RGS9: variants seen among roughly 807,000 people sequenced by gnomAD.
The protein encoded by RGS9 is regulator of G protein signaling 9.
Under a neutral mutation model 102.0 loss-of-function variants are expected in RGS9, and 78 were observed. The observed-to-expected ratio is 0.76, with a 90% CI of 0.64 to 0.92. The LOEUF is 0.92. Ranked by LOEUF, RGS9 falls within the 40% of genes least tolerant of loss-of-function variation. The probability of loss-of-function intolerance (pLI) is 0.00; values close to 1 mark genes in which losing one functional copy is unlikely to be tolerated. For missense variants in RGS9, 833 were observed against 866.1 expected (o/e 0.96, Z 0.48); for synonymous variants, 353 against 318.6 (o/e 1.11, Z -1.15).
chr17:65,215,664 C>A (rs992775755), intron 17 of RGS9, among the ~76,000 whole-genome samples: 3 of 151,294 alleles, frequency 2.0e-5, no homozygotes, highest in African/African-American at 7.3e-5. Flanking sequence ...AAGTTCAAGC[C>A]ATTCCCCTGC....
intron 7 of RGS9, among the ~76,000 whole-genome samples, chr17:65,167,928 C>T (rs1911255622): frequency 2.0e-5 from 3 of 152,098 alleles, no homozygotes; most frequent in Admixed American, 2.0e-4. Flanking sequence ...GGGCATTCAC[C>T]CCCTCTTCAT....
chr17:65,191,551 A>G (rs1598602852), intron 11 of RGS9, among the ~76,000 whole-genome samples: 1 of 151,988 alleles, frequency 6.6e-6, no homozygotes, highest in Non-Finnish European at 1.5e-5. Context: ...GGAGTTCAAG[A>G]CCAGCCTGGT....
chr17:65,161,951 G>C (rs2143998089), intron 6 of RGS9, among the ~76,000 whole-genome samples: 1 of 152,046 alleles, frequency 6.6e-6, no homozygotes, highest in Admixed American at 6.5e-5. Context: ...ATCCACCTCA[G>C]CCTCCCGAAG....
intron 2 of RGS9, among the ~76,000 whole-genome samples, chr17:65,154,464 A>G (rs934179255): frequency 7.9e-5 from 12 of 152,216 alleles, no homozygotes; most frequent in African/African-American, 2.7e-4. Context: ...AGAAACCTTC[A>G]CTGTCATTTT....
chr17:65,147,838 G>C (rs993370697), intron 1 of RGS9, among the ~76,000 whole-genome samples: 4 of 151,890 alleles, frequency 2.6e-5, no homozygotes, highest in African/African-American at 9.7e-5. Context: ...TGATCTGTCT[G>C]CCTTACCCTC....
chr17:65,225,194 T>C lies in RGS9; in HGVS notation c.1600T>C (p.Ser534Pro), dbSNP rs746397565. ...CATCAGAGTGGCCTTGGAGAGCTCA[T>C]CGGGCTTGGAGCAGAAAGGGGAGTG... Reference protein sequence around the residue: ...SPIRVALESSSGLEQKGECSG... With the variant: ...SPIRVALESSPGLEQKGECSG... The change falls in exon 18 of 19, where the codon TCG becomes CCG. Residue 534 changes from serine to proline, a missense_variant. Ser to Pro is a moderately conservative substitution (Grantham distance 74, BLOSUM62 -1). Transcript: ENST00000262406. 6.8e-6 allele frequency: 11 copies of C among 1,613,312 alleles called. 1 individual carries two copies. The South Asian group carries it at 8.8e-5, about 13-fold the overall frequency.
At chr17:65,147,886 C>T (rs906194225) in intron 1 of RGS9, among the ~76,000 whole-genome samples, 8 of 151,902 alleles carry the variant, frequency 5.3e-5, no homozygotes, top group Non-Finnish European at 8.8e-5. Context: ...CCACTGTGCC[C>T]GGCCTCTCTT....
chr17:65,193,691 C>A (rs963116172), intron 12 of RGS9, 35 bp downstream of exon 12: 7 of 1,371,732 alleles, frequency 5.1e-6, no homozygotes, highest in South Asian at 3.5e-5. Context: ...TTTTAAAAAA[C>A]CGTTTTTGAG....
intron 8 of RGS9, among the ~76,000 whole-genome samples, chr17:65,168,500 G>A (rs2144015820): frequency 6.6e-6 from 1 of 151,504 alleles, no homozygotes; most frequent in South Asian, 2.1e-4. Flanking sequence ...GTTGGTGTTA[G>A]GTAGGGAGGG....
At chr17:65,198,986 T>TC (rs370887936) in intron 13 of RGS9, among the ~76,000 whole-genome samples, 1,764 of 152,016 alleles carry the variant, frequency 0.012, 25 homozygotes, top group African/African-American at 0.036. Flanking sequence ...ATTTATTATC[T>TC]CCCCCCCACT....
At chr17:65,161,892 A>T (rs545219636) in intron 6 of RGS9, among the ~76,000 whole-genome samples, 2 of 150,242 alleles carry the variant, frequency 1.3e-5, no homozygotes, top group South Asian at 4.2e-4. Context: ...TATTTTTTGT[A>T]GAGACAGGAG....
chr17:65,137,635 CG>C (rs756998901), intron 1 of RGS9, 38 bp downstream of exon 1: 18 of 1,604,706 alleles, frequency 1.1e-5, no homozygotes, highest in Non-Finnish European at 1.5e-5. Flanking sequence ...GGGAGGAGGG[CG>C]GGGGACCGCA....
Position 65,225,236 on chromosome 17 carries a change from C to T in RGS9, c.1642C>T (p.Pro548Ser), listed in dbSNP as rs775316564. ...AGGGGAGTGCAGCGGGTCCATGGCC[C>T]CCCGTGGGCCCTCTGTCACCGAGAG... Reference protein sequence around the residue: ...QKGECSGSMAPRGPSVTESSE... With the variant: ...QKGECSGSMASRGPSVTESSE... The change falls in exon 18 of 19, where the codon CCC becomes TCC. Residue 548 changes from proline (P) to serine (S), a missense_variant. Coordinates refer to ENST00000262406, the MANE Select transcript of RGS9 (RefSeq NM_003835.4). The T allele has an allele frequency of 6.2e-7, 1 of 1,610,944 alleles. No homozygotes were observed. Among genetic ancestry groups the T allele is most frequent in the Non-Finnish European group, 8.5e-7 (1 of 1,179,990 alleles).
chr17:65,206,799 G>C (rs1913081292), intron 15 of RGS9, among the ~76,000 whole-genome samples: 1 of 152,198 alleles, frequency 6.6e-6, no homozygotes, highest in Non-Finnish European at 1.5e-5. Context: ...GAAAAGAATG[G>C]CATATATGCC....
chr17:65,205,039 T>C (rs1912997840), intron 15 of RGS9, among the ~76,000 whole-genome samples: 1 of 152,168 alleles, frequency 6.6e-6, no homozygotes, highest in African/African-American at 2.4e-5. Context: ...TGTGTGTGAT[T>C]GTAGTAAGAC....
Position 65,177,713 on chromosome 17 carries a change from T to C in RGS9, c.583-19T>C. On this transcript the variant is annotated intron_variant, in intron 8 of 18. Transcript: ENST00000262406. ...AGACTCTCCCTGTAATGACCTTATG[T>C]TGTTTTTATTCCATTTAGCCTGGAA... 4.3e-6 allele frequency: 7 copies of C among 1,612,216 alleles called. No homozygotes were observed. Among genetic ancestry groups the C allele is most frequent in the Non-Finnish European group, 5.1e-6 (6 of 1,178,202 alleles).
At chr17:65,208,845 A>C (rs530166573) in intron 16 of RGS9, among the ~76,000 whole-genome samples, 16 of 152,168 alleles carry the variant, frequency 1.1e-4, no homozygotes, top group African/African-American at 2.7e-4. Flanking sequence ...AAAGGAGAAA[A>C]AACAACAACA....
chr17:65,139,724 G>A (rs1302856693), intron 1 of RGS9, among the ~76,000 whole-genome samples: 1 of 152,058 alleles, frequency 6.6e-6, no homozygotes, highest in Non-Finnish European at 1.5e-5. Flanking sequence ...GTGCACTACA[G>A]ACCTTGCCAC....
At chr17:65,184,926 G>T (rs941414645) in intron 9 of RGS9, among the ~76,000 whole-genome samples, 2 of 150,574 alleles carry the variant, frequency 1.3e-5, no homozygotes, top group African/African-American at 4.9e-5. Context: ...CTCCAGTGCA[G>T]TGGTGCCATT....
Sources: gnomAD v4.1 joint callset for allele counts (sites outside exome capture counted in the v4.1 genomes callset) on GRCh38, gnomAD v4.1.1 for gene constraint, MANE v1.5 for transcripts, NCBI Gene and HGNC (gene_info 2026-07-23, HGNC 2026-07-21) for gene names.